ITCH: variants seen among roughly 807,000 people sequenced by gnomAD.
The protein encoded by ITCH is itchy E3 ubiquitin protein ligase.
ITCH carries 28 observed loss-of-function variants against 126.8 expected under a neutral mutation model. The ratio of observed to expected loss-of-function variants is 0.22; its 90% CI spans 0.16 to 0.30. The LOEUF (loss-of-function observed/expected upper bound fraction) is 0.30. ITCH is among the 10% of genes least tolerant of loss of function. The pLI is 1.00. For synonymous variants in ITCH, 342 were observed against 340.0 expected, an observed-to-expected ratio of 1.01 and a Z score of -0.06; for missense variants, 631 against 1,032.4, an observed-to-expected ratio of 0.61 and a Z score of 5.33.
intron 12 of ITCH, among the ~76,000 whole-genome samples, chr20:34,456,248 A>T: frequency 1.5e-5 from 1 of 64,942 alleles, no homozygotes; most frequent in Non-Finnish European, 2.6e-5. Context: ...TTTTTGAGAC[A>T]GGGCCTCACT....
chr20:34,452,125 A>G (rs565116573), intron 12 of ITCH, among the ~76,000 whole-genome samples: 17 of 150,868 alleles, frequency 1.1e-4, no homozygotes, highest in Non-Finnish European at 2.1e-4. Flanking sequence ...CTTCATGGTT[A>G]TGGTCAGAAA....
intron 11 of ITCH, 55 bp downstream of exon 11, chr20:34,445,516 C>G: frequency 1.3e-6 from 2 of 1,544,144 alleles, no homozygotes; most frequent in South Asian, 1.1e-5. Flanking sequence ...CTAGCCCCTT[C>G]CAGCATATGT....
intron 3 of ITCH, among the ~76,000 whole-genome samples, chr20:34,405,986 T>C (rs1223955693): frequency 2.6e-5 from 4 of 152,066 alleles, no homozygotes; most frequent in African/African-American, 9.7e-5. Context: ...CTATTTCATG[T>C]TTCCACTTAG....
Position 34,469,988 on chromosome 20 carries a change from C to T in ITCH, c.1425-60C>T, listed in dbSNP as rs533125204. 13 of 1,393,014 alleles carry T rather than the reference C, an allele frequency of 9.3e-6. No homozygotes were observed. In the African/African-American group the frequency reaches 1.3e-4, roughly 14 times the overall value. The allele number at this position is 1,393,014 out of a possible 1,614,324, so 86.3% of individuals were successfully genotyped here. A position where few individuals can be genotyped will look rare whatever the true frequency, so the allele number is the denominator to read the frequency against. On this transcript the variant is annotated intron_variant, in intron 14 of 24. Transcript: ENST00000374864. The stretch of plus-strand genomic sequence containing the variant: ...AGAGAGGGTGGGATATTTTGCTTTC[C>T]TTCAGCATTATCTTTTACAAGCAGC...
intron 12 of ITCH, among the ~76,000 whole-genome samples, chr20:34,451,303 A>AG (rs1328121456): frequency 1.3e-5 from 2 of 152,030 alleles, no homozygotes. Flanking sequence ...AAAAAAAAAA[A>AG]AAAGAAATTA....
At chr20:34,413,614 AAC>A in intron 5 of ITCH, 126 bp from the exon 6 acceptor site, 3 of 823,770 alleles carry the variant, frequency 3.6e-6, no homozygotes, top group Non-Finnish European at 5.5e-6. Context: ...AACATAGTTA[AAC>A]AGTTTATATG....
At chr20:34,442,750 G>T (rs935301086) in intron 10 of ITCH, among the ~76,000 whole-genome samples, 1 of 151,558 alleles carries the variant, frequency 6.6e-6, no homozygotes, top group African/African-American at 2.4e-5. Context: ...GAGGTGGGAG[G>T]ATCACGAGCT....
intron 2 of ITCH, among the ~76,000 whole-genome samples, chr20:34,372,102 C>T (rs1410107266): frequency 1.3e-5 from 2 of 151,616 alleles, no homozygotes; most frequent in African/African-American, 2.4e-5. Flanking sequence ...GTCAGAAGAT[C>T]GAGACCATCC....
chr20:34,382,053 C>T (rs1204085441), intron 2 of ITCH, among the ~76,000 whole-genome samples: 4 of 152,082 alleles, frequency 2.6e-5, no homozygotes, highest in African/African-American at 9.7e-5. Flanking sequence ...ATTTTGCCTT[C>T]TTTGGAATAG....
intron 24 of ITCH, 81 bp from the exon 25 acceptor site, chr20:34,507,614 A>G: frequency 9.7e-7 from 1 of 1,035,746 alleles, no homozygotes; most frequent in South Asian, 1.3e-5. Flanking sequence ...CTTCTATAGT[A>G]GTGTATAAAG....
intron 1 of ITCH, among the ~76,000 whole-genome samples, chr20:34,363,680 C>T (rs2037287830): frequency 6.6e-6 from 1 of 152,098 alleles, no homozygotes; most frequent in African/African-American, 2.4e-5. Context: ...GCCCCTCAGC[C>T]CCGCCTGGGG....
At chr20:34,418,757 CTT>C (rs373974620) in intron 6 of ITCH, among the ~76,000 whole-genome samples, 14 of 116,508 alleles carry the variant, frequency 1.2e-4, no homozygotes, top group East Asian at 2.4e-4. Context: ...TCTTTTTTTC[CTT>C]TTTTTTTTTT....
At chr20:34,373,681 T>G (rs2037727679) in intron 2 of ITCH, among the ~76,000 whole-genome samples, 1 of 152,126 alleles carries the variant, frequency 6.6e-6, no homozygotes. Flanking sequence ...GTCTGGAAAT[T>G]GCTTACCCTA....
At chr20:34,446,172 A>T (rs1984433936) in intron 11 of ITCH, among the ~76,000 whole-genome samples, 1 of 152,192 alleles carries the variant, frequency 6.6e-6, no homozygotes, top group African/African-American at 2.4e-5. Flanking sequence ...GGAAAAGGAA[A>T]ATAATCCATT....
chr20:34,451,897 G>A (rs1269291706), intron 12 of ITCH, among the ~76,000 whole-genome samples: 1 of 151,862 alleles, frequency 6.6e-6, no homozygotes, highest in African/African-American at 2.4e-5. Context: ...GCGAAAACCT[G>A]TCTCTATAAA....
At chr20:34,450,620 A>G (rs1251347324) in intron 12 of ITCH, among the ~76,000 whole-genome samples, 2 of 152,242 alleles carry the variant, frequency 1.3e-5, no homozygotes, top group Admixed American at 1.3e-4. Context: ...GCAAGATAAT[A>G]ATATATTATA....
chr20:34,474,910 C>T (rs1419465199), intron 16 of ITCH, among the ~76,000 whole-genome samples: 1 of 150,884 alleles, frequency 6.6e-6, no homozygotes, highest in Admixed American at 6.6e-5. Context: ...GGGGCGGTTG[C>T]CAGGCAGAGG....
At chr20:34,505,459 C>T (rs986268425) in intron 24 of ITCH, among the ~76,000 whole-genome samples, 1 of 152,192 alleles carries the variant, frequency 6.6e-6, no homozygotes, top group Non-Finnish European at 1.5e-5. Flanking sequence ...TCCCTTTTTA[C>T]CCCGTGTAGC....
In ITCH at chr20:34,381,431, A is replaced by AT. The variant is rs77769854; in HGVS notation, c.-22+11974dup. Among the ~76,000 whole-genome samples, 388 of 139,758 alleles carry AT rather than the reference A, an allele frequency of 2.8e-3. 2 individuals carry two copies. Among genetic ancestry groups the AT allele is most frequent in the South Asian group, 9.3e-3 (41 of 4,388 alleles). The allele number at this position is 139,758 out of a possible 152,430, so 91.7% of individuals were successfully genotyped here. A position where few individuals can be genotyped will look rare whatever the true frequency, so the allele number is the denominator to read the frequency against. On this transcript the variant is annotated intron_variant, in intron 2 of 24. Coordinates refer to ENST00000374864, the MANE Select transcript of ITCH (RefSeq NM_031483.7). ...AGGTGTGTGCCACCATGCCTGGCTA[A>AT]TTTTTTTTTTTTTGAGATGGAGTCT... is the stretch of plus-strand genomic sequence containing the variant.
Sources: allele counts gnomAD v4.1 joint callset (sites outside exome capture counted in the v4.1 genomes callset), GRCh38; gene constraint gnomAD v4.1.1; transcripts MANE v1.5; gene names NCBI Gene and HGNC (gene_info 2026-07-23, HGNC 2026-07-21).